ZFHX3: variants seen among roughly 807,000 people sequenced by gnomAD.
ZFHX3 encodes zinc finger homeobox 3.
ZFHX3 carries 42 observed loss-of-function variants against 279.1 expected under a neutral mutation model. The ratio of observed to expected loss-of-function variants is 0.15; its 90% CI spans 0.12 to 0.19. The LOEUF (loss-of-function observed/expected upper bound fraction) is 0.19. ZFHX3 is among the 10% of genes least tolerant of loss of function. The pLI is 1.00. For synonymous variants in ZFHX3, 2,293 were observed against 1,957.8 expected (o/e 1.17, Z -4.52); for missense variants, 4,981 against 4,754.0 (o/e 1.05, Z -1.40).
intron 2 of ZFHX3, among the ~76,000 whole-genome samples, chr16:73,613,730 C>T (rs1293313050): frequency 2.0e-5 from 3 of 152,128 alleles, no homozygotes; most frequent in Non-Finnish European, 4.4e-5. Flanking sequence ...GATTGTGTGC[C>T]CCGTTTCACT....
At chr16:73,547,824 G>A (rs2020146344) in intron 2 of ZFHX3, among the ~76,000 whole-genome samples, 1 of 152,152 alleles carries the variant, frequency 6.6e-6, no homozygotes, top group African/African-American at 2.4e-5. Flanking sequence ...TATTCTTGTA[G>A]CTACTGCTAT....
chr16:73,242,319 A>G (rs1039011800), intron 5 of ZFHX3, among the ~76,000 whole-genome samples: 1 of 152,140 alleles, frequency 6.6e-6, no homozygotes, highest in Non-Finnish European at 1.5e-5. Context: ...TTTCCACTCC[A>G]GATCCTCCTT....
chr16:73,124,306 A>G (rs1237355023), intron 7 of ZFHX3, among the ~76,000 whole-genome samples: 1 of 152,138 alleles, frequency 6.6e-6, no homozygotes, highest in East Asian at 1.9e-4. Context: ...TGGTTCATAG[A>G]TGATGTCTCC....
Position 73,417,988 on chromosome 16 carries a change from CAAAAAAA to C in ZFHX3, c.-1291+38008_-1291+38014del, listed in dbSNP as rs71156161. Among the ~76,000 whole-genome samples, 138 of 57,864 alleles carry C rather than the reference CAAAAAAA, an allele frequency of 2.4e-3. 1 individual carries two copies. Among genetic ancestry groups the C allele is most frequent in the Admixed American group, 4.6e-3 (17 of 3,700 alleles). The allele number at this position is 57,864 out of a possible 152,430, so 38.0% of individuals were successfully genotyped here. A position where few individuals can be genotyped will look rare whatever the true frequency, so the allele number is the denominator to read the frequency against. Reference sequence around the variant, plus strand: ...TGGGCAACAGAGCGAGACTCCATCTCAAAAAAAAAAAAAAAAAAAAAAAAGGAAAAAG... The same window carrying C: ...TGGGCAACAGAGCGAGACTCCATCTCAAAAAAAAAAAAAAAAAGGAAAAAG... On this transcript the variant is annotated intron_variant, in intron 3 of 17. Coordinates refer to the ZFHX3 transcript ENST00000641206.
intron 3 of ZFHX3, among the ~76,000 whole-genome samples, chr16:73,442,993 C>A (rs2018121001): frequency 6.6e-6 from 1 of 152,166 alleles, no homozygotes; most frequent in Non-Finnish European, 1.5e-5. Context: ...TCTAAGGACA[C>A]CAGTGATATT....
chr16:73,467,122 C>T (rs573130011), intron 2 of ZFHX3, among the ~76,000 whole-genome samples: 1 of 152,114 alleles, frequency 6.6e-6, no homozygotes, highest in Non-Finnish European at 1.5e-5. Flanking sequence ...CTAAAGGGAA[C>T]TGAGTGATCT....
At chr16:73,320,144 A>C (rs1166759446) in intron 3 of ZFHX3, among the ~76,000 whole-genome samples, 1 of 152,230 alleles carries the variant, frequency 6.6e-6, no homozygotes, top group Non-Finnish European at 1.5e-5. Context: ...AAAGACCCTC[A>C]GTTCTGTGTC....
At chr16:73,355,525 G>C (rs2143297765) in intron 3 of ZFHX3, among the ~76,000 whole-genome samples, 1 of 152,306 alleles carries the variant, frequency 6.6e-6, no homozygotes, top group East Asian at 1.9e-4. Flanking sequence ...AAAGAGCAGG[G>C]CAGGAGCTGG....
At chr16:72,962,839 T>A (rs1367931901) in intron 1 of ZFHX3, among the ~76,000 whole-genome samples, 3 of 151,956 alleles carry the variant, frequency 2.0e-5, no homozygotes, top group Non-Finnish European at 4.4e-5. Context: ...AGTCTTAGAT[T>A]CCCTGTGGTC....
At position 73,313,808 on chromosome 16, in the gene ZFHX3, T is replaced by C. The variant is rs117098703; in HGVS notation, c.-1194+4432A>G. ...AGAGTGGTTTTGGATGAGATTAACA[T>C]GTAAATTGGTAAACTTCAGTCAGCC... On this transcript the variant is annotated intron_variant, in intron 4 of 17. Transcript: ENST00000641206. Among the ~76,000 whole-genome samples the C allele has an allele frequency of 2.8e-3, 424 of 152,318 alleles. 1 individual carries two copies. The highest frequency in any genetic ancestry group is 4.6e-3 in the Non-Finnish European group (316 of 68,042).
chr16:73,583,294 T>C (rs1467994271), intron 2 of ZFHX3, among the ~76,000 whole-genome samples: 1 of 152,166 alleles, frequency 6.6e-6, no homozygotes, highest in African/African-American at 2.4e-5. Context: ...AATAAAAGTT[T>C]TTAAAATCCA....
At position 72,961,339 on chromosome 16, in the gene ZFHX3, C is replaced by CT. The variant is rs550364644; in HGVS notation, c.-49-1146dup. 6.6e-4 allele frequency among the ~76,000 whole-genome samples: 101 copies of CT among 152,366 alleles called. 3 individuals are homozygous for CT. In the Middle Eastern group the frequency reaches 0.01, roughly 15 times the overall value. On this transcript the variant is annotated intron_variant, in intron 1 of 9. Coordinates refer to ENST00000268489, the MANE Select transcript of ZFHX3 (RefSeq NM_006885.4). Reference sequence around the variant, plus strand: ...AGTGCCACTGAGCTGAATGTGCCCTCTGAGACCTCATGTCCCTGGGGAGGG... The same window carrying CT: ...AGTGCCACTGAGCTGAATGTGCCCTCTTGAGACCTCATGTCCCTGGGGAGGG...
intron 3 of ZFHX3, among the ~76,000 whole-genome samples, chr16:72,915,409 G>A (rs917573897): frequency 3.9e-5 from 6 of 152,128 alleles, no homozygotes; most frequent in Admixed American, 6.6e-5. Context: ...GATCAGCGTG[G>A]CGGGCCTCTG....
intron 2 of ZFHX3, among the ~76,000 whole-genome samples, chr16:73,529,236 G>A (rs765980857): frequency 2.0e-5 from 3 of 152,130 alleles, no homozygotes; most frequent in East Asian, 1.9e-4. Context: ...CCAGTGGACC[G>A]AGTGGCTGCT....
At chr16:73,023,907 C>T (rs578014912) in intron 1 of ZFHX3, among the ~76,000 whole-genome samples, 8 of 152,246 alleles carry the variant, frequency 5.3e-5, no homozygotes, top group African/African-American at 1.9e-4. Context: ...GACAGGCTTA[C>T]GGGGAGGACA....
In ZFHX3 at chr16:72,906,595, G is replaced by A. The variant is rs1046469249; in HGVS notation, c.3217-16633C>T. On this transcript the variant is annotated intron_variant, in intron 3 of 9. Coordinates refer to ENST00000268489, the MANE Select transcript of ZFHX3 (RefSeq NM_006885.4). ...GCGGATCACCTGAGGTCAGGAGTTCGAGACCAGCCTGGCCAACATGGTAAA... is the reference window on the plus strand; with the variant it reads ...GCGGATCACCTGAGGTCAGGAGTTCAAGACCAGCCTGGCCAACATGGTAAA... Among the ~76,000 whole-genome samples, 5 of 152,102 alleles carry A rather than the reference G, an allele frequency of 3.3e-5. No individual in the cohort carries two copies. In the South Asian group the frequency reaches 8.3e-4, roughly 25 times the overall value.
intron 5 of ZFHX3, chr16:73,143,917 C>G: frequency 2.2e-6 from 1 of 464,028 alleles, no homozygotes; most frequent in Non-Finnish European, 3.8e-6. Flanking sequence ...AATGATTCTC[C>G]CATTGCTTTT....
At chr16:73,021,761 G>A (rs1045863812) in intron 1 of ZFHX3, among the ~76,000 whole-genome samples, 1 of 150,542 alleles carries the variant, frequency 6.6e-6, no homozygotes, top group African/African-American at 2.5e-5. Flanking sequence ...AACCTGGGAG[G>A]TGGAGGTTGC....
intron 1 of ZFHX3, among the ~76,000 whole-genome samples, chr16:73,798,889 G>C (rs1256681193): frequency 6.6e-6 from 1 of 152,214 alleles, no homozygotes; most frequent in Non-Finnish European, 1.5e-5. Flanking sequence ...AACCCTGCCT[G>C]ATGTCTGAAT....
Sources: gnomAD v4.1 joint callset for allele counts (sites outside exome capture counted in the v4.1 genomes callset) on GRCh38, gnomAD v4.1.1 for gene constraint, MANE v1.5 for transcripts, NCBI Gene and HGNC (gene_info 2026-07-23, HGNC 2026-07-21) for gene names.